STAG2: variants seen among roughly 807,000 people sequenced by gnomAD.
STAG2 encodes the protein cohesin subunit SA-2.
STAG2 carries 14 observed loss-of-function variants against 108.1 expected under a neutral mutation model. The observed-to-expected ratio is 0.13, with a 90% CI of 0.09 to 0.20. The LOEUF is 0.20. STAG2 is among the 10% of genes least tolerant of loss of function. The pLI is 1.00. For synonymous variants in STAG2, 307 were observed against 302.7 expected (o/e 1.01, Z -0.15); for missense variants, 440 against 940.9 (o/e 0.47, Z 6.96).
chrX:124,060,922 C>T (rs868632501), intron 15 of STAG2, among the ~76,000 whole-genome samples: 5 of 107,004 alleles, frequency 4.7e-5, no homozygotes, highest in Non-Finnish European at 9.6e-5. Flanking sequence ...ACTCCATCTC[C>T]GCCACCCCCC....
chrX:123,982,269 T>C (rs186121218), intron 1 of STAG2, among the ~76,000 whole-genome samples: 1 of 111,043 alleles, frequency 9.0e-6, no homozygotes, highest in African/African-American at 3.3e-5. Context: ...CCCAGGAGTT[T>C]GAGGCTGCAG....
chrX:123,998,591 T>C (rs200477171), intron 1 of STAG2, among the ~76,000 whole-genome samples: 3 of 13,293 alleles, frequency 2.3e-4, no homozygotes, highest in East Asian at 2.7e-3. Context: ...TCTATCCATC[T>C]ATCTATCTAT....
chrX:124,031,133 T>C lies in STAG2; in HGVS notation c.288+8T>C. ...GGCAAGAGTGCTATGCAGGTAAGAT[T>C]TATGTTGTTCTTCCCAGTTCATTTG... On this transcript the variant is annotated splice_region_variant and intron_variant, in intron 5 of 34. Coordinates refer to ENST00000371145, the MANE Select transcript of STAG2 (RefSeq NM_001042750.2). The C allele has an allele frequency of 8.3e-7, 1 of 1,198,277 alleles. No homozygotes were observed. The highest frequency in any genetic ancestry group is 1.1e-6 in the Non-Finnish European group (1 of 889,451).
chrX:123,969,952 G>GT (rs749744551), intron 1 of STAG2, among the ~76,000 whole-genome samples: 2,302 of 39,123 alleles, frequency 0.059, 206 homozygotes, highest in African/African-American at 0.11. Context: ...CGGTCTTCCT[G>GT]TTTTTTTTTT....
intron 1 of STAG2, among the ~76,000 whole-genome samples, chrX:124,012,661 A>G (rs1602828330): frequency 8.9e-6 from 1 of 111,818 alleles, no homozygotes. Flanking sequence ...CATGTGACAT[A>G]TATGTGTTCT....
At chrX:124,017,016 T>C (rs919533367) in intron 1 of STAG2, among the ~76,000 whole-genome samples, 2 of 110,943 alleles carry the variant, frequency 1.8e-5, no homozygotes, top group African/African-American at 6.6e-5. Context: ...TGTGTGAATT[T>C]GCCAGCTTTT....
At chrX:123,975,072 A>G (rs1012828224) in intron 1 of STAG2, among the ~76,000 whole-genome samples, 1 of 111,467 alleles carries the variant, frequency 9.0e-6, no homozygotes, top group African/African-American at 3.3e-5. Flanking sequence ...CCTTGTACCT[A>G]ATTTGCAAAC....
chrX:124,062,064 T>C (rs1414387469), intron 17 of STAG2, among the ~76,000 whole-genome samples, 190 bp downstream of exon 17: 1 of 111,506 alleles, frequency 9.0e-6, no homozygotes, highest in Non-Finnish European at 1.9e-5. Context: ...TAATATACTT[T>C]TTTAGTTGCT....
rs2054313762 is a variant in STAG2 at position 123,970,647 on chromosome X, T to C, written c.-163+8791T>C. On this transcript the variant is annotated intron_variant, in intron 1 of 34. Transcript: ENST00000371145. ...ATTTCAAGCAGTTAGTGCTGCTTAG[T>C]TGTTTGAAAGAATTTAATGTGGGAC... Among the ~76,000 whole-genome samples, 3 of 112,029 alleles carry C rather than the reference T, an allele frequency of 2.7e-5. No homozygotes were observed. In the Admixed American group the frequency reaches 2.9e-4, roughly 11 times the overall value.
chrX:124,077,360 G>C (rs1172780586), intron 26 of STAG2, among the ~76,000 whole-genome samples: 6 of 110,197 alleles, frequency 5.4e-5, no homozygotes, highest in African/African-American at 2.0e-4. Flanking sequence ...TGGTTATTCT[G>C]TTATCTCTGA....
At chrX:124,077,264 A>T (rs993337725) in intron 26 of STAG2, among the ~76,000 whole-genome samples, 27 of 108,009 alleles carry the variant, frequency 2.5e-4, no homozygotes, top group Non-Finnish European at 5.0e-4. Context: ...TTTTTTTTTT[A>T]AACTAAGGTT....
At position 124,013,413 on chromosome X, in the gene STAG2, A is replaced by T. The variant is rs1349125623; in HGVS notation, c.-162-7954A>T. On this transcript the variant is annotated intron_variant, in intron 1 of 34. Transcript: ENST00000371145. ...CAGATATAAGTGAGATGAAGAGTGG[A>T]TAATGACAGTATTAAAACAATTATT... Among the ~76,000 whole-genome samples, 5 of 111,479 alleles carry T rather than the reference A, an allele frequency of 4.5e-5. No homozygotes were observed. The Admixed American group carries it at 4.8e-4, about 11-fold the overall frequency.
At chrX:123,970,370 C>G (rs2054303775) in intron 1 of STAG2, among the ~76,000 whole-genome samples, 1 of 111,081 alleles carries the variant, frequency 9.0e-6, no homozygotes, top group Admixed American at 9.7e-5. Context: ...TGGGAGACTT[C>G]AGGAATAGTC....
chrX:123,991,767 C>T (rs1258406181), intron 1 of STAG2, among the ~76,000 whole-genome samples: 2 of 109,737 alleles, frequency 1.8e-5, no homozygotes, highest in East Asian at 2.9e-4. Flanking sequence ...CGGGTTCAAG[C>T]GATTCTCCCG....
At chrX:124,048,329 A>G (rs930625224) in intron 9 of STAG2, among the ~76,000 whole-genome samples, 4 of 112,285 alleles carry the variant, frequency 3.6e-5, no homozygotes, top group African/African-American at 1.3e-4. Context: ...TAAATTCCTC[A>G]TATTTTTCAT....
chrX:124,083,096 T>A (rs1474374813), intron 28 of STAG2, among the ~76,000 whole-genome samples: 1 of 111,864 alleles, frequency 8.9e-6, no homozygotes, highest in Non-Finnish European at 1.9e-5. Flanking sequence ...AATGTATTGA[T>A]CATTATGTGA....
intron 32 of STAG2, 129 bp downstream of exon 32, chrX:124,091,093 T>G (rs1242014748): frequency 1.9e-6 from 1 of 521,533 alleles, no homozygotes; most frequent in East Asian, 3.7e-5. Flanking sequence ...ATCAAGGAAC[T>G]AAAAATTGGT....
At position 124,086,816 on chromosome X, in the gene STAG2, C is replaced by G. The variant is rs775480295; in HGVS notation, c.3277+46C>G. On this transcript the variant is annotated intron_variant, in intron 30 of 34. Coordinates refer to ENST00000371145, the MANE Select transcript of STAG2 (RefSeq NM_001042750.2). Reference sequence around the variant, plus strand: ...CTTTATATTTATCCCTAATGTTTACCAACTGAATTGTCATTAAGGTTCACC... The same window carrying G: ...CTTTATATTTATCCCTAATGTTTACGAACTGAATTGTCATTAAGGTTCACC... The G allele has an allele frequency of 4.1e-6, 4 of 966,739 alleles. No homozygotes were observed. In the African/African-American group the frequency reaches 7.8e-5, roughly 19 times the overall value. The allele number at this position is 966,739 out of a possible 1,213,427, so 79.7% of individuals were successfully genotyped here.
intron 4 of STAG2, among the ~76,000 whole-genome samples, chrX:124,030,125 G>A (rs1032126709): frequency 9.0e-6 from 1 of 111,663 alleles, no homozygotes; most frequent in African/African-American, 3.3e-5. Flanking sequence ...CTTGTTCAGA[G>A]CACTGCAATG....
Sources: allele counts gnomAD v4.1 joint callset (sites outside exome capture counted in the v4.1 genomes callset), GRCh38; gene constraint gnomAD v4.1.1; transcripts MANE v1.5; gene names NCBI Gene and HGNC (gene_info 2026-07-23, HGNC 2026-07-21).